The following OCIAD2 variants were observed in gnomAD, a reference collection of about 807,000 sequenced individuals.
OCIAD2 encodes OCIA domain-containing protein 2.
A neutral mutation model predicts 22.9 loss-of-function variants in OCIAD2; 29 were observed. The ratio of observed to expected loss-of-function variants is 1.27; its 90% CI spans 0.94 to 1.73. The LOEUF is 1.73. OCIAD2 is among the 40% of genes most tolerant of loss of function. The probability of loss-of-function intolerance (pLI) is 0.00; values close to 1 mark genes in which losing one functional copy is unlikely to be tolerated. For synonymous variants in OCIAD2, 67 were observed against 60.2 expected (o/e 1.11, Z -0.52); for missense variants, 189 against 180.3 (o/e 1.05, Z -0.28).
At chr4:48,892,964 G>A (rs2289065) in intron 5 of OCIAD2, 75 bp from the exon 6 acceptor site, 257,866 of 702,508 alleles carry the variant, frequency 0.37, 51,236 homozygotes, top group East Asian at 0.56. Flanking sequence ...AAAAATCAAC[G>A]CTGGTAATTT....
At chr4:48,888,203 C>T (rs1002692959) in intron 6 of OCIAD2, among the ~76,000 whole-genome samples, 32 of 152,278 alleles carry the variant, frequency 2.1e-4, no homozygotes, top group African/African-American at 7.5e-4. Flanking sequence ...TGAGACTTTG[C>T]TGAAGTTGCT....
chr4:48,887,594 A>T (rs553157113), intron 6 of OCIAD2, among the ~76,000 whole-genome samples: 1 of 152,204 alleles, frequency 6.6e-6, no homozygotes, highest in South Asian at 2.1e-4. Context: ...TTAAGTAGGG[A>T]ATCCTTTCCC....
chr4:48,901,220 C>T (rs1402234402), intron 2 of OCIAD2, among the ~76,000 whole-genome samples: 1 of 151,984 alleles, frequency 6.6e-6, no homozygotes, highest in Non-Finnish European at 1.5e-5. Flanking sequence ...ATCTAGTCTG[C>T]TGCTTCTAAC....
chr4:48,894,025 T>A lies in OCIAD2; in HGVS notation c.246A>T (p.Gly82=). 1 of 1,514,620 alleles carries A rather than the reference T, an allele frequency of 6.6e-7. No individual in the cohort carries two copies. Among genetic ancestry groups the A allele is most frequent in the Non-Finnish European group, 8.9e-7 (1 of 1,125,852 alleles). 93.8% of individuals were successfully genotyped at this position (1,514,620 alleles called of 1,614,324 possible). A position where few individuals can be genotyped will look rare whatever the true frequency, so the allele number is the denominator to read the frequency against. ...QGYLAANSRF[G]SLPKVALAGL... Reference sequence around the variant, plus strand: ...ACTTACGTGCAACTTTGGGCAATGATCCAAATCTAGAATTAGCTGCCAAAT... The same window carrying A: ...ACTTACGTGCAACTTTGGGCAATGAACCAAATCTAGAATTAGCTGCCAAAT... The change falls in exon 5 of 7, where the codon GGA becomes GGT. Residue 82 remains glycine (G), a synonymous_variant. Coordinates refer to ENST00000508632, the MANE Select transcript of OCIAD2 (RefSeq NM_001014446.3).
intron 6 of OCIAD2, among the ~76,000 whole-genome samples, chr4:48,890,256 A>G (rs1781129812): frequency 1.3e-5 from 2 of 151,506 alleles, no homozygotes; most frequent in South Asian, 4.2e-4. Context: ...TAAAGTTAAA[A>G]AAAAAAAGAA....
chr4:48,900,602 T>A (rs192134337), intron 2 of OCIAD2, among the ~76,000 whole-genome samples: 8 of 151,436 alleles, frequency 5.3e-5, no homozygotes, highest in African/African-American at 1.5e-4. Flanking sequence ...TTTAAAAAAA[T>A]TTTAATCGTT....
Position 48,898,751 on chromosome 4 carries a change from G to C in OCIAD2, c.164-894C>G, listed in dbSNP as rs1422742448. Among the ~76,000 whole-genome samples the C allele has an allele frequency of 5.3e-5, 8 of 152,166 alleles. No individual in the cohort carries two copies. The East Asian group carries it at 1.5e-3, about 29-fold the overall frequency. ...TATGTTCACGTTAAACATGTGTAAT[G>C]TTTAGCTATAATTTTAAAACAGGAA... On this transcript the variant is annotated intron_variant, in intron 3 of 6. Coordinates refer to ENST00000508632, the MANE Select transcript of OCIAD2 (RefSeq NM_001014446.3).
intron 2 of OCIAD2, among the ~76,000 whole-genome samples, chr4:48,902,005 G>A (rs1435564825): frequency 6.6e-6 from 1 of 152,112 alleles, no homozygotes; most frequent in Non-Finnish European, 1.5e-5. Context: ...GGACTCAAGT[G>A]TTTGTCCCGC....
At chr4:48,886,123 C>G (rs1474787671) in intron 6 of OCIAD2, among the ~76,000 whole-genome samples, 2 of 152,142 alleles carry the variant, frequency 1.3e-5, no homozygotes, top group African/African-American at 4.8e-5. Flanking sequence ...GAAAGGGATC[C>G]AGTTTCAGCT....
intron 2 of OCIAD2, among the ~76,000 whole-genome samples, chr4:48,901,672 T>C (rs766376601): frequency 1.4e-4 from 21 of 152,256 alleles, no homozygotes; most frequent in Non-Finnish European, 2.4e-4. Context: ...TGGGTTGTAA[T>C]CTTTTGTTAT....
chr4:48,893,939 C>A, intron 5 of OCIAD2, 67 bp downstream of exon 5: 2 of 1,024,146 alleles, frequency 2.0e-6, no homozygotes, highest in South Asian at 2.2e-5. Flanking sequence ...ACCTCAGCCT[C>A]CCAAAGTGCT....
intron 1 of OCIAD2, among the ~76,000 whole-genome samples, chr4:48,905,167 T>C (rs982163541): frequency 2.6e-5 from 4 of 152,050 alleles, no homozygotes; most frequent in South Asian, 4.1e-4. Context: ...ATTTAGCATC[T>C]TTGATAGAGA....
At chr4:48,900,336 A>AT (rs1035930915) in intron 2 of OCIAD2, among the ~76,000 whole-genome samples, 5 of 152,062 alleles carry the variant, frequency 3.3e-5, no homozygotes, top group Non-Finnish European at 5.9e-5. Context: ...GAGGAAAGAG[A>AT]TTTTCCCTAT....
intron 3 of OCIAD2, among the ~76,000 whole-genome samples, chr4:48,898,679 T>C (rs1781353298): frequency 6.6e-6 from 1 of 152,176 alleles, no homozygotes; most frequent in African/African-American, 2.4e-5. Flanking sequence ...CATTTTGTCT[T>C]ACAATTTGGA....
chr4:48,894,018 G>A lies in OCIAD2; in HGVS notation c.253C>T (p.Pro85Ser). 2.0e-6 allele frequency: 3 copies of A among 1,516,120 alleles called. No individual in the cohort carries two copies. The highest frequency in any genetic ancestry group is 1.9e-5 in the Admixed American group (1 of 52,064). The allele number at this position is 1,516,120 out of a possible 1,614,324, so 93.9% of individuals were successfully genotyped here. Residue 85 changes from proline to serine, a missense_variant, in exon 5 of 7, where the codon CCC becomes TCC. Pro to Ser is a moderately conservative substitution (Grantham distance 74). Transcript: ENST00000508632. ...TTCTATGACTTACGTGCAACTTTGGGCAATGATCCAAATCTAGAATTAGCT... is the reference window on the plus strand; with the variant it reads ...TTCTATGACTTACGTGCAACTTTGGACAATGATCCAAATCTAGAATTAGCT... Reference protein sequence around the residue: ...LAANSRFGSLPKVALAGLLGF... With the variant: ...LAANSRFGSLSKVALAGLLGF...
intron 5 of OCIAD2, chr4:48,893,482 G>T (rs1449097844): frequency 1.3e-5 from 2 of 152,286 alleles, no homozygotes; most frequent in Non-Finnish European, 2.9e-5. Context: ...TCTATTATTA[G>T]AAATCCCCTG....
At chr4:48,897,631 T>TG (rs1372534215) in intron 4 of OCIAD2, among the ~76,000 whole-genome samples, 173 bp downstream of exon 4, 2 of 152,216 alleles carry the variant, frequency 1.3e-5, no homozygotes, top group African/African-American at 4.8e-5. Context: ...TCACTAATTC[T>TG]GGGGATTAGG....
At position 48,905,872 on chromosome 4, in the gene OCIAD2, A is replaced by G. The variant is rs73817715; in HGVS notation, c.-63+786T>C. 3.5e-3 allele frequency among the ~76,000 whole-genome samples: 536 copies of G among 152,258 alleles called. 1 individual carries two copies. Among genetic ancestry groups the G allele is most frequent in the African/African-American group, 0.012 (504 of 41,536 alleles). On this transcript the variant is annotated intron_variant, in intron 1 of 6. Coordinates refer to ENST00000508632, the MANE Select transcript of OCIAD2 (RefSeq NM_001014446.3). ...TACCCCTGCGATCCCTTTGGTGCAA[A>G]TGACTTAATCCGTCTCTGCCTCAGC... is the stretch of plus-strand genomic sequence containing the variant.
chr4:48,891,122 C>A (rs1370654013), intron 6 of OCIAD2, among the ~76,000 whole-genome samples: 1 of 152,178 alleles, frequency 6.6e-6, no homozygotes, highest in Non-Finnish European at 1.5e-5. Flanking sequence ...CCTTCTTCAA[C>A]CCTGCTATAG....
Sources: gnomAD v4.1 joint callset for allele counts (sites outside exome capture counted in the v4.1 genomes callset) on GRCh38, gnomAD v4.1.1 for gene constraint, MANE v1.5 for transcripts, NCBI Gene and HGNC (gene_info 2026-07-23, HGNC 2026-07-21) for gene names.